Variants in CPEB1 observed in about 807,000 individuals in gnomAD.
CPEB1 encodes cytoplasmic polyadenylation element binding protein 1, also known as cytoplasmic polyadenylation element-binding protein 1.
A neutral mutation model predicts 65.8 loss-of-function variants in CPEB1; 7 were observed. The ratio of observed to expected loss-of-function variants is 0.11; its 90% CI spans 0.06 to 0.20. The LOEUF is 0.20. CPEB1 is among the 10% of genes least tolerant of loss of function. The probability of loss-of-function intolerance (pLI) is 1.00; values close to 1 mark genes in which losing one functional copy is unlikely to be tolerated. For synonymous variants in CPEB1, 262 were observed against 260.0 expected (o/e 1.01, Z -0.08); for missense variants, 551 against 712.2 (o/e 0.77, Z 2.58).
chr15:82,587,226 C>T (rs1221155210), intron 3 of CPEB1, among the ~76,000 whole-genome samples: 1 of 152,094 alleles, frequency 6.6e-6, no homozygotes, highest in Admixed American at 6.5e-5. Flanking sequence ...ACAGGACTCT[C>T]CAACTGCTGA....
At chr15:82,624,636 G>C (rs886531536) in intron 3 of CPEB1, among the ~76,000 whole-genome samples, 5 of 152,182 alleles carry the variant, frequency 3.3e-5, no homozygotes, top group African/African-American at 1.2e-4. Flanking sequence ...CATCTTACCA[G>C]TGAAGTCACT....
chr15:82,633,398 G>C (rs1156467581), intron 1 of CPEB1, among the ~76,000 whole-genome samples: 1 of 152,218 alleles, frequency 6.6e-6, no homozygotes, highest in Non-Finnish European at 1.5e-5. Context: ...TTGAGACAGA[G>C]TTTTGCTCTT....
intron 3 of CPEB1, among the ~76,000 whole-genome samples, chr15:82,620,793 C>T (rs2045234129): frequency 6.6e-6 from 1 of 151,958 alleles, no homozygotes; most frequent in Admixed American, 6.6e-5. Flanking sequence ...ACAGTGATAC[C>T]CCATCTCAGA....
At chr15:82,553,164 C>T (rs2036570757) in intron 8 of CPEB1, among the ~76,000 whole-genome samples, 2 of 152,046 alleles carry the variant, frequency 1.3e-5, no homozygotes, top group Non-Finnish European at 2.9e-5. Context: ...TTTTCAAACG[C>T]CTTATTTTGA....
intron 2 of CPEB1, chr15:82,628,138 C>T (rs748648380): frequency 1.4e-6 from 1 of 693,810 alleles, no homozygotes; most frequent in Non-Finnish European, 2.6e-6. Context: ...AGAATTACAC[C>T]AGTGACAATG....
At chr15:82,643,364 G>A (rs1402164068) in intron 1 of CPEB1, among the ~76,000 whole-genome samples, 1 of 152,142 alleles carries the variant, frequency 6.6e-6, no homozygotes, top group Non-Finnish European at 1.5e-5. Context: ...GGGCACGGTG[G>A]CTCACACCTG....
chr15:82,604,763 C>T (rs1459339543), intron 3 of CPEB1, among the ~76,000 whole-genome samples: 1 of 152,116 alleles, frequency 6.6e-6, no homozygotes, highest in Non-Finnish European at 1.5e-5. Context: ...GCCACAGAGA[C>T]ATCTGGGATA....
At chr15:82,643,250 A>G (rs1341562947) in intron 1 of CPEB1, among the ~76,000 whole-genome samples, 1 of 152,214 alleles carries the variant, frequency 6.6e-6, no homozygotes, top group African/African-American at 2.4e-5. Flanking sequence ...ACAGGTAAGA[A>G]AGCTATCTAG....
rs776707753 is a variant in CPEB1 at position 82,556,030 on chromosome 15, C to T, written c.780G>A (p.Met260Ile). ...CAGCAAGAGCAGCTTGCTCTTGGTC[C>T]ATCCGAGACCCTACCCCCATCTTTA... ...DPLKMGVGSR[M>I]DQEQAALAAV... The change falls in exon 6 of 13, where the codon ATG (methionine) becomes ATA (isoleucine). Residue 260 changes from methionine (M) to isoleucine (I), a missense_variant. By Grantham distance (10) the Met-to-Ile change is conservative. Coordinates refer to ENST00000684509, the MANE Select transcript of CPEB1 (RefSeq NM_001365242.1). 1.2e-6 allele frequency: 2 copies of T among 1,613,428 alleles called. No individual in the cohort carries two copies. Among genetic ancestry groups the T allele is most frequent in the Non-Finnish European group, 1.7e-6 (2 of 1,179,706 alleles).
chr15:82,571,811 A>T (rs1178262663), intron 3 of CPEB1: 1 of 1,239,058 alleles, frequency 8.1e-7, no homozygotes, highest in East Asian at 3.8e-5. Flanking sequence ...GCTGCCAGTG[A>T]CATCAGCCGG....
At chr15:82,608,819 G>C (rs1333313112) in intron 3 of CPEB1, among the ~76,000 whole-genome samples, 1 of 151,960 alleles carries the variant, frequency 6.6e-6, no homozygotes, top group Non-Finnish European at 1.5e-5. Flanking sequence ...TATCAGGAAG[G>C]AAACTGTATA....
chr15:82,637,890 C>T, intron 1 of CPEB1: 5 of 403,434 alleles, frequency 1.2e-5, no homozygotes, highest in Non-Finnish European at 2.0e-5. Context: ...GAATATTCAC[C>T]CATTAGAAAT....
chr15:82,553,315 A>G, intron 8 of CPEB1, 152 bp downstream of exon 8: 1 of 629,326 alleles, frequency 1.6e-6, no homozygotes, highest in Non-Finnish European at 2.9e-6. Context: ...GGTTGAAGAG[A>G]AAGTGCTGAC....
chr15:82,595,936 G>C (rs2151169265), intron 3 of CPEB1, among the ~76,000 whole-genome samples: 1 of 152,218 alleles, frequency 6.6e-6, no homozygotes, highest in South Asian at 2.1e-4. Context: ...CAAGTCTCTA[G>C]CTATAATCAC....
chr15:82,604,441 G>A (rs1447462584), intron 3 of CPEB1, among the ~76,000 whole-genome samples: 2 of 149,326 alleles, frequency 1.3e-5, no homozygotes, highest in Non-Finnish European at 3.0e-5. Context: ...GAGATTGATC[G>A]CGCCACTACA....
Position 82,571,548 on chromosome 15 carries a change from G to A in CPEB1, c.272-16C>T. On this transcript the variant is annotated splice_polypyrimidine_tract_variant and intron_variant, in intron 3 of 12. Coordinates refer to ENST00000684509, the MANE Select transcript of CPEB1 (RefSeq NM_001365242.1). ...TCCTGGAAGTCTGTTTTGGAAAGGAGCACAGCAGAAACCTCAGAGTTAAGG... is the reference window on the plus strand; with the variant it reads ...TCCTGGAAGTCTGTTTTGGAAAGGAACACAGCAGAAACCTCAGAGTTAAGG... 3.7e-6 allele frequency: 6 copies of A among 1,608,670 alleles called. No homozygotes were observed. The highest frequency in any genetic ancestry group is 5.1e-6 in the Non-Finnish European group (6 of 1,177,108).
chr15:82,571,477 C>A lies in CPEB1; in HGVS notation c.327G>T (p.Ala109=), dbSNP rs749124573. 12 of 1,614,098 alleles carry A rather than the reference C, an allele frequency of 7.4e-6. No individual in the cohort carries two copies. Among genetic ancestry groups the A allele is most frequent in the Non-Finnish European group, 1.0e-5 (12 of 1,180,010 alleles). The change falls in exon 4 of 13, where the codon GCG becomes GCT. Residue 109 remains alanine, a synonymous_variant. Coordinates refer to ENST00000684509, the MANE Select transcript of CPEB1 (RefSeq NM_001365242.1). ...CTGGGAGGCCACGGGAAGATTCTTG[C>A]GCAGAGGTTGGGAAAAGCATCCTGC... is the stretch of plus-strand genomic sequence containing the variant. ...VTSRMLFPTS[A]QESSRGLPDA... is the part of the protein sequence containing the mutation.
At chr15:82,569,149 A>G (rs17356118) in intron 4 of CPEB1, among the ~76,000 whole-genome samples, 30,720 of 152,194 alleles carry the variant, frequency 0.2, 3,305 homozygotes, top group Non-Finnish European at 0.23. Flanking sequence ...TGTGGGCTGC[A>G]TGTTCCCGCA....
chr15:82,595,256 AT>A (rs2042583737), intron 3 of CPEB1, among the ~76,000 whole-genome samples: 1 of 152,246 alleles, frequency 6.6e-6, no homozygotes, highest in African/African-American at 2.4e-5. Flanking sequence ...CATTTGGGAT[AT>A]TATGAACGAC....
Sources: gnomAD v4.1 joint callset for allele counts (sites outside exome capture counted in the v4.1 genomes callset) on GRCh38, gnomAD v4.1.1 for gene constraint, MANE v1.5 for transcripts, NCBI Gene and HGNC (gene_info 2026-07-23, HGNC 2026-07-21) for gene names.